Variants in ABCD2 observed in about 807,000 individuals in gnomAD.
ABCD2 encodes the protein ATP binding cassette subfamily D member 2.
In ABCD2, 36 loss-of-function variants were observed where a neutral mutation model predicts 70.9. That is an observed-to-expected ratio of 0.51 (90% CI 0.39 to 0.67). The LOEUF is 0.67. Among genes scored for constraint, ABCD2 ranks in the 30% least tolerant of loss-of-function variants. The pLI, the probability that ABCD2 is intolerant of heterozygous loss-of-function variation, is 0.00. For synonymous variants in ABCD2, 304 were observed against 306.9 expected, an observed-to-expected ratio of 0.99 and a Z score of 0.10; for missense variants, 729 against 890.2, an observed-to-expected ratio of 0.82 and a Z score of 2.30.
In ABCD2 at chr12:39,580,658, C is replaced by A. The variant is rs533532854; in HGVS notation, c.1793-1039G>T. Reference sequence around the variant, plus strand: ...ACTTAAAAATAAAACCATAGTTCCACTGCTGGAGAGTCTGATTTTCAAACA... The same window carrying A: ...ACTTAAAAATAAAACCATAGTTCCAATGCTGGAGAGTCTGATTTTCAAACA... On this transcript the variant is annotated intron_variant, in intron 7 of 9. Coordinates refer to ENST00000308666, the MANE Select transcript of ABCD2 (RefSeq NM_005164.4). Among the ~76,000 whole-genome samples the A allele has an allele frequency of 3.3e-5, 5 of 152,198 alleles. No individual in the cohort carries two copies. In the East Asian group the frequency reaches 9.6e-4, roughly 29 times the overall value.
At chr12:39,569,517 C>A (rs368868311) in intron 9 of ABCD2, among the ~76,000 whole-genome samples, 1 of 152,154 alleles carries the variant, frequency 6.6e-6, no homozygotes, top group Non-Finnish European at 1.5e-5. Flanking sequence ...TTCCAGGTGC[C>A]GTCTGTCAAC....
chr12:39,577,785 T>TTTA (rs1941539332), intron 8 of ABCD2, among the ~76,000 whole-genome samples: 1 of 152,196 alleles, frequency 6.6e-6, no homozygotes, highest in Admixed American at 6.5e-5. Flanking sequence ...AATATCATAA[T>TTTA]ACCTGTGATT....
At chr12:39,534,912 GAAAGAAAGAA>G in the ABCD2 span, among the ~76,000 whole-genome samples, 29 of 89,580 alleles carry the variant, frequency 3.2e-4, 1 homozygote, top group East Asian at 7.7e-3. Flanking sequence ...AAGAAAGAAA[GAAAGAAAGAA>G]AGAAAGAAAG....
At chr12:39,595,971 C>T (rs570561206) in intron 6 of ABCD2, among the ~76,000 whole-genome samples, 1 of 152,280 alleles carries the variant, frequency 6.6e-6, no homozygotes, top group East Asian at 1.9e-4. Context: ...AACAGTGCAG[C>T]AAACGAGTAA....
At chr12:39,576,146 A>G (rs184453405) in intron 8 of ABCD2, among the ~76,000 whole-genome samples, 1 of 152,104 alleles carries the variant, frequency 6.6e-6, no homozygotes, top group Admixed American at 6.5e-5. Flanking sequence ...GCCAAGCTGT[A>G]AAGTTTTTGT....
At chr12:39,547,094 A>G (rs1941032409), downstream of ABCD2, among the ~76,000 whole-genome samples, 1 of 152,160 alleles carries the variant, frequency 6.6e-6, no homozygotes, top group Non-Finnish European at 1.5e-5. Flanking sequence ...AAGGATGCTC[A>G]ATATCACTAA....
chr12:39,533,186 A>C, the ABCD2 span, among the ~76,000 whole-genome samples: 1 of 152,186 alleles, frequency 6.6e-6, no homozygotes, highest in African/African-American at 2.4e-5. Flanking sequence ...AAAAACAAAA[A>C]CAAAAAAAGA....
At chr12:39,580,666 G>A (rs979659837) in intron 7 of ABCD2, among the ~76,000 whole-genome samples, 9 of 152,082 alleles carry the variant, frequency 5.9e-5, no homozygotes, top group African/African-American at 2.2e-4. Context: ...CACTGCTGGA[G>A]AGTCTGATTT....
chr12:39,579,638 T>C lies in ABCD2; in HGVS notation c.1793-19A>G. ...TCCCATCCTTAAGAAAATAAAAAAA[T>C]ATACATTTTTATAAATCATTTGTTT... On this transcript the variant is annotated intron_variant, in intron 7 of 9. Transcript: ENST00000308666. 1 of 1,541,070 alleles carries C rather than the reference T, an allele frequency of 6.5e-7. No individual in the cohort carries two copies. The highest frequency in any genetic ancestry group is 8.9e-7 in the Non-Finnish European group (1 of 1,124,166).
chr12:39,596,597 G>A (rs1057131416), intron 6 of ABCD2, among the ~76,000 whole-genome samples: 1 of 151,974 alleles, frequency 6.6e-6, no homozygotes, highest in Non-Finnish European at 1.5e-5. Context: ...GTCATGGGTG[G>A]GCAGAAGTTT....
intron 8 of ABCD2, among the ~76,000 whole-genome samples, chr12:39,574,737 C>CA (rs1219078996): frequency 2.6e-5 from 4 of 151,678 alleles, no homozygotes; most frequent in Non-Finnish European, 5.9e-5. Context: ...ATTTTCTTTA[C>CA]AAAAAAATTC....
the ABCD2 span, among the ~76,000 whole-genome samples, chr12:39,534,944 G>GAA: frequency 7.6e-6 from 1 of 132,160 alleles, no homozygotes; most frequent in Non-Finnish European, 1.7e-5. Context: ...AAGAAAGAAA[G>GAA]AAAGAAAACA....
At chr12:39,607,019 A>G (rs1470545405) in intron 3 of ABCD2, among the ~76,000 whole-genome samples, 1 of 152,224 alleles carries the variant, frequency 6.6e-6, no homozygotes, top group Non-Finnish European at 1.5e-5. Flanking sequence ...TGAGATGGAC[A>G]CAAAACAGGA....
In ABCD2 at chr12:39,615,413, C is replaced by T. The variant is rs148137660; in HGVS notation, c.1120+1575G>A. 1.5e-3 allele frequency among the ~76,000 whole-genome samples: 226 copies of T among 151,990 alleles called. 2 individuals are homozygous for T. Among genetic ancestry groups the T allele is most frequent in the African/African-American group, 5.2e-3 (216 of 41,502 alleles). ...ACCATAGATTTTAAAGTGTCACTCT[C>T]GCTAATACTCTTTTGAAAAAGTAAT... On this transcript the variant is annotated intron_variant, in intron 2 of 9. Transcript: ENST00000308666.
In ABCD2 at chr12:39,579,441, G is replaced by A. The variant is rs999654622; in HGVS notation, c.1877+94C>T. On this transcript the variant is annotated intron_variant, in intron 8 of 9. Transcript: ENST00000308666. ...AAGATATTTTTAAGCTACAGATGAA[G>A]ACGATAAATCCTGTCCAAACTTTTG... 4 of 805,504 alleles carry A rather than the reference G, an allele frequency of 5.0e-6. No homozygotes were observed. In the African/African-American group the frequency reaches 5.2e-5, roughly 10 times the overall value. 49.9% of individuals were successfully genotyped at this position (805,504 alleles called of 1,614,324 possible).
At chr12:39,601,061 A>G (rs1941890815) in intron 5 of ABCD2, among the ~76,000 whole-genome samples, 1 of 152,212 alleles carries the variant, frequency 6.6e-6, no homozygotes, top group Non-Finnish European at 1.5e-5. Context: ...AATATATTAC[A>G]TTATATTTTG....
chr12:39,561,598 A>C (rs1242555056), intron 9 of ABCD2, among the ~76,000 whole-genome samples: 4 of 152,194 alleles, frequency 2.6e-5, no homozygotes, highest in African/African-American at 9.7e-5. Flanking sequence ...AAGCTATAAA[A>C]GAGGCCAAGA....
At position 39,553,842 on chromosome 12, in the gene ABCD2, T is replaced by G; in HGVS notation, c.*70A>C. 1 of 1,162,124 alleles carries G rather than the reference T, an allele frequency of 8.6e-7. No individual in the cohort carries two copies. Among genetic ancestry groups the G allele is most frequent in the East Asian group, 2.6e-5 (1 of 38,908 alleles). 72.0% of individuals were successfully genotyped at this position (1,162,124 alleles called of 1,614,324 possible). On this transcript the variant is annotated 3_prime_UTR_variant, in exon 10 of 10. Coordinates refer to ENST00000308666, the MANE Select transcript of ABCD2 (RefSeq NM_005164.4). ...TTTCTCTGTGCTTAGCTTAACATAC[T>G]TCATGCAGTATAACAGAATGTCTTT...
chr12:39,549,245 G>A (rs1271833460), downstream of ABCD2, among the ~76,000 whole-genome samples: 1 of 151,882 alleles, frequency 6.6e-6, no homozygotes, highest in African/African-American at 2.4e-5. Context: ...TATTATTGAG[G>A]GAATCCTGCT....
Sources: allele counts gnomAD v4.1 joint callset (sites outside exome capture counted in the v4.1 genomes callset), GRCh38; gene constraint gnomAD v4.1.1; transcripts MANE v1.5; gene names NCBI Gene and HGNC (gene_info 2026-07-23, HGNC 2026-07-21).